The following TTLL1 variants were observed in gnomAD, a reference collection of about 807,000 sequenced individuals.
TTLL1 encodes the protein polyglutamylase complex subunit TTLL1.
In TTLL1, 33 loss-of-function variants were observed where a neutral mutation model predicts 47.8. The ratio of observed to expected loss-of-function variants is 0.69; its 90% CI spans 0.52 to 0.92. TTLL1 has a LOEUF of 0.92. TTLL1 is among the 40% of genes least tolerant of loss of function. TTLL1 has a pLI of 0.00. For synonymous variants in TTLL1, 225 were observed against 214.1 expected (o/e 1.05, Z -0.45); for missense variants, 488 against 547.5 (o/e 0.89, Z 1.08).
chr22:43,057,405 C>T (rs1007159448), intron 8 of TTLL1, among the ~76,000 whole-genome samples: 2 of 152,126 alleles, frequency 1.3e-5, no homozygotes, highest in Non-Finnish European at 2.9e-5. Context: ...CCACTGTGCC[C>T]GGCCAATTTC....
At chr22:43,059,797 C>T (rs960726334) in intron 7 of TTLL1, among the ~76,000 whole-genome samples, 7 of 152,236 alleles carry the variant, frequency 4.6e-5, no homozygotes, top group African/African-American at 1.7e-4. Flanking sequence ...TCAAGCAATC[C>T]TCCCACCTCA....
chr22:43,072,679 A>C (rs548322679), intron 3 of TTLL1, among the ~76,000 whole-genome samples: 2 of 152,226 alleles, frequency 1.3e-5, no homozygotes, highest in African/African-American at 2.4e-5. Flanking sequence ...CACCATTTGC[A>C]CAGGCTGGTG....
intron 1 of TTLL1, among the ~76,000 whole-genome samples, chr22:43,084,505 TTC>T (rs1929100523): frequency 6.6e-6 from 1 of 151,368 alleles, no homozygotes; most frequent in African/African-American, 2.4e-5. Flanking sequence ...TTTTCTAGGT[TTC>T]TTTTCTTTTT....
At chr22:43,075,717 G>T in intron 2 of TTLL1, 127 bp from the exon 3 acceptor site, 1 of 798,736 alleles carries the variant, frequency 1.3e-6, no homozygotes, top group Non-Finnish European at 2.1e-6. Flanking sequence ...TCTCAACCAG[G>T]AGTGATTCCA....
rs1410894618 is a variant in TTLL1 at position 43,069,728 on chromosome 22, A to T, written c.230T>A (p.Met77Lys). The T allele has an allele frequency of 3.7e-6, 6 of 1,614,046 alleles. No individual in the cohort carries two copies. Among genetic ancestry groups the T allele is most frequent in the Non-Finnish European group, 5.1e-6 (6 of 1,180,054 alleles). Reference protein sequence around the residue: ...NHYELTRKDLMVKNIKRYRKE... With the variant: ...NHYELTRKDLKVKNIKRYRKE... ...CCTGTATCTTTTGATGTTCTTCACC[A>T]TCAGGTCCTTCCGGGTCAGTTCATA... The change falls in exon 4 of 11, where the codon ATG (methionine) becomes AAG (lysine). Residue 77 changes from methionine to lysine, a missense_variant. Coordinates refer to ENST00000266254, the MANE Select transcript of TTLL1 (RefSeq NM_012263.5).
In TTLL1 at chr22:43,046,523, G is replaced by C. The variant is rs974493407; in HGVS notation, c.1029C>G (p.Leu343=). 1.9e-5 allele frequency: 30 copies of C among 1,614,156 alleles called. No individual in the cohort carries two copies. The highest frequency in any genetic ancestry group is 2.5e-5 in the Non-Finnish European group (30 of 1,180,042). ...LTSSTANDRI[L]KYNLINDTLN... ...GGGTGTCATTAATCAGGTTGTACTT[G>C]AGGATTCGGTCATTGGCAGTGCTGG... The change falls in exon 10 of 11, where the codon CTC becomes CTG. Residue 343 remains leucine, a synonymous_variant. Coordinates refer to ENST00000266254, the MANE Select transcript of TTLL1 (RefSeq NM_012263.5).
At chr22:43,066,142 G>C (rs892665747) in intron 5 of TTLL1, among the ~76,000 whole-genome samples, 4 of 147,670 alleles carry the variant, frequency 2.7e-5, no homozygotes, top group Non-Finnish European at 5.9e-5. Context: ...CTGGGAGACA[G>C]AGCGAGACAC....
At chr22:43,072,418 T>C (rs1928191936) in intron 3 of TTLL1, among the ~76,000 whole-genome samples, 2 of 152,116 alleles carry the variant, frequency 1.3e-5, no homozygotes, top group African/African-American at 4.8e-5. Flanking sequence ...CCTCCCAAAG[T>C]GCTGGGATTA....
rs574151016 is a variant in TTLL1, at chr22:43,048,274, G to A, written c.979-1701C>T. 2.0e-5 allele frequency among the ~76,000 whole-genome samples: 3 copies of A among 151,460 alleles called. No individual in the cohort carries two copies. In the South Asian group the frequency reaches 6.3e-4, roughly 32 times the overall value. ...GGAGGTTGCAGTGAGCTGAGATCACGCCACTGCGCTCCAGCCTGGGTCACA... is the reference window on the plus strand; with the variant it reads ...GGAGGTTGCAGTGAGCTGAGATCACACCACTGCGCTCCAGCCTGGGTCACA... On this transcript the variant is annotated intron_variant, in intron 9 of 10. Transcript: ENST00000266254.
At position 43,079,245 on chromosome 22, in the gene TTLL1, A is replaced by G. The variant is rs1017457542; in HGVS notation, c.-5+657T>C. 8.4e-5 allele frequency among the ~76,000 whole-genome samples: 9 copies of G among 107,658 alleles called. 1 individual carries two copies. In the Admixed American group the frequency reaches 8.4e-4, roughly 10 times the overall value. 70.6% of individuals were successfully genotyped at this position (107,658 alleles called of 152,430 possible). ...CCCATCCCACACCCCTCACACCCAC[A>G]GACATGGGGGCCAAGGGAGCCGCAC... On this transcript the variant is annotated intron_variant, in intron 2 of 10. Transcript: ENST00000266254.
At chr22:43,043,043 C>G (rs1053781916) in intron 10 of TTLL1, among the ~76,000 whole-genome samples, 1 of 151,564 alleles carries the variant, frequency 6.6e-6, no homozygotes, top group Non-Finnish European at 1.5e-5. Context: ...GGGTTCAAGC[C>G]ATTCTCCTGC....
intron 1 of TTLL1, among the ~76,000 whole-genome samples, chr22:43,081,451 T>C (rs1177545134): frequency 1.3e-5 from 2 of 152,146 alleles, no homozygotes; most frequent in South Asian, 2.1e-4. Context: ...CCCACAAACT[T>C]ATGGGGAAGT....
intron 3 of TTLL1, among the ~76,000 whole-genome samples, chr22:43,071,068 G>A (rs1300926182): frequency 2.0e-5 from 3 of 151,860 alleles, no homozygotes; most frequent in Non-Finnish European, 4.4e-5. Context: ...AGGGGCCACC[G>A]TGTCCTGCTA....
chr22:43,047,301 A>G (rs746092475), intron 9 of TTLL1, among the ~76,000 whole-genome samples: 3 of 152,166 alleles, frequency 2.0e-5, no homozygotes, highest in African/African-American at 7.2e-5. Flanking sequence ...TAAGAGAGTA[A>G]TATCTCATTA....
chr22:43,086,146 G>A (rs981245949), intron 1 of TTLL1, among the ~76,000 whole-genome samples: 1 of 152,214 alleles, frequency 6.6e-6, no homozygotes, highest in Non-Finnish European at 1.5e-5. Context: ...GAAAACGGAA[G>A]TGGGGTTAAG....
intron 1 of TTLL1, among the ~76,000 whole-genome samples, chr22:43,083,025 A>T (rs138881904): frequency 2.7e-5 from 4 of 148,282 alleles, no homozygotes; most frequent in Non-Finnish European, 6.0e-5. Flanking sequence ...AAAAATAATA[A>T]AATAATAATA....
intron 3 of TTLL1, among the ~76,000 whole-genome samples, chr22:43,073,364 TTTTA>T (rs140193788): frequency 7.5e-6 from 1 of 133,354 alleles, no homozygotes; most frequent in African/African-American, 3.3e-5. Context: ...TATTTATTTA[TTTTA>T]TTTTTTGAGG....
chr22:43,041,606 C>T lies in TTLL1; in HGVS notation c.1143-1701G>A, dbSNP rs547823630. 4.0e-5 allele frequency among the ~76,000 whole-genome samples: 6 copies of T among 150,944 alleles called. No homozygotes were observed. In the South Asian group the frequency reaches 1.3e-3, roughly 32 times the overall value. ...CTTGGCTCACTGCAACCTCTGCCTC[C>T]TGGGTTCAAGAGATTCTCATGCCTC... On this transcript the variant is annotated intron_variant, in intron 10 of 10. Coordinates refer to ENST00000266254, the MANE Select transcript of TTLL1 (RefSeq NM_012263.5).
intron 10 of TTLL1, among the ~76,000 whole-genome samples, chr22:43,045,696 C>A (rs572580423): frequency 1.1e-4 from 17 of 151,960 alleles, no homozygotes; most frequent in Non-Finnish European, 1.8e-4. Context: ...TGCGGCAAAG[C>A]CAGGGAATGA....
Sources: allele counts gnomAD v4.1 joint callset (sites outside exome capture counted in the v4.1 genomes callset), GRCh38; gene constraint gnomAD v4.1.1; transcripts MANE v1.5; gene names NCBI Gene and HGNC (gene_info 2026-07-23, HGNC 2026-07-21).